Variants in FHIT observed in about 807,000 individuals in gnomAD.
The protein encoded by FHIT is bis(5'-adenosyl)-triphosphatase.
Under a neutral mutation model 17.9 loss-of-function variants are expected in FHIT, and 19 were observed. That is an observed-to-expected ratio of 1.06 (90% CI 0.74 to 1.56). The LOEUF is 1.56. Among genes scored for constraint, FHIT ranks in the 40% most tolerant of loss-of-function variants. FHIT has a pLI of 0.00. For missense variants in FHIT, 248 were observed against 189.2 expected (o/e 1.31, Z -1.82); for synonymous variants, 81 against 69.7 (o/e 1.16, Z -0.81).
At chr3:60,884,404 T>G (rs782263514) in intron 3 of FHIT, among the ~76,000 whole-genome samples, 1 of 152,224 alleles carries the variant, frequency 6.6e-6, no homozygotes, top group Admixed American at 6.5e-5. Flanking sequence ...TGAAGAGATA[T>G]CTGCATACCC....
intron 5 of FHIT, among the ~76,000 whole-genome samples, chr3:60,342,735 G>C (rs73104920): frequency 0.15 from 22,389 of 152,060 alleles, 1,707 homozygotes; most frequent in Non-Finnish European, 0.16. Context: ...TCAATGGAAG[G>C]AAAAATATTG....
At chr3:60,632,770 G>A (rs782476630) in intron 4 of FHIT, among the ~76,000 whole-genome samples, 10 of 151,984 alleles carry the variant, frequency 6.6e-5, no homozygotes, top group Non-Finnish European at 1.0e-4. Context: ...CATTGTCACC[G>A]AGGAAAGGGT....
At chr3:60,045,834 A>G (rs561766478) in intron 5 of FHIT, among the ~76,000 whole-genome samples, 28 of 152,300 alleles carry the variant, frequency 1.8e-4, no homozygotes, top group African/African-American at 6.7e-4. Flanking sequence ...GATAAGGAGG[A>G]ACACCTGGAG....
At chr3:60,491,523 G>A (rs1268156493) in intron 5 of FHIT, among the ~76,000 whole-genome samples, 1 of 152,002 alleles carries the variant, frequency 6.6e-6, no homozygotes, top group East Asian at 1.9e-4. Flanking sequence ...ATTATCTTCA[G>A]CCACAGCCAG....
chr3:59,901,372 G>C (rs1704322738), intron 8 of FHIT, among the ~76,000 whole-genome samples: 1 of 152,196 alleles, frequency 6.6e-6, no homozygotes, highest in Admixed American at 6.5e-5. Context: ...AATCTCGGGA[G>C]AGGTATCATG....
At chr3:60,747,126 C>CA (rs112642337) in intron 4 of FHIT, among the ~76,000 whole-genome samples, 2,820 of 110,828 alleles carry the variant, frequency 0.025, 54 homozygotes, top group African/African-American at 0.068. Flanking sequence ...TTGGAATTCA[C>CA]AAAAAAAAAA....
At chr3:60,500,772 A>T (rs966187456) in intron 5 of FHIT, among the ~76,000 whole-genome samples, 26 of 38,828 alleles carry the variant, frequency 6.7e-4, no homozygotes, top group African/African-American at 1.5e-3. Context: ...GCATCCATCT[A>T]AAAAAAAAAA....
At chr3:60,661,579 T>C (rs1278999596) in intron 4 of FHIT, among the ~76,000 whole-genome samples, 4 of 152,206 alleles carry the variant, frequency 2.6e-5, no homozygotes, top group African/African-American at 9.6e-5. Context: ...AATAGTGGGA[T>C]TGTTGGATCA....
At position 60,200,176 on chromosome 3, in the gene FHIT, C is replaced by A. The variant is rs577633224; in HGVS notation, c.104-186024G>T. 3.3e-5 allele frequency among the ~76,000 whole-genome samples: 5 copies of A among 152,168 alleles called. No homozygotes were observed. The South Asian group carries it at 1.0e-3, about 32-fold the overall frequency. The stretch of plus-strand genomic sequence containing the variant: ...CTCCATCCAGAGGACAGTACTGGGT[C>A]CAGGCTATAAAGGCAGAGACACTGG... On this transcript the variant is annotated intron_variant, in intron 5 of 9. Coordinates refer to ENST00000492590, the MANE Select transcript of FHIT (RefSeq NM_002012.4).
At chr3:59,830,631 A>G (rs994702993) in intron 8 of FHIT, among the ~76,000 whole-genome samples, 2 of 152,220 alleles carry the variant, frequency 1.3e-5, no homozygotes, top group Non-Finnish European at 2.9e-5. Context: ...CCATTCTTTC[A>G]TAGTCTAGTC....
At chr3:59,837,162 T>C (rs1045169314) in intron 8 of FHIT, among the ~76,000 whole-genome samples, 5 of 152,250 alleles carry the variant, frequency 3.3e-5, no homozygotes, top group Admixed American at 6.5e-5. Flanking sequence ...TGAGTAGTCC[T>C]GGAGTATAGA....
chr3:61,084,961 AG>A (rs1559969010), intron 2 of FHIT, among the ~76,000 whole-genome samples: 1 of 152,204 alleles, frequency 6.6e-6, no homozygotes, highest in Non-Finnish European at 1.5e-5. Flanking sequence ...AAGCATATCC[AG>A]GTTATTTCAG....
At chr3:60,722,017 T>C (rs2041819267) in intron 4 of FHIT, among the ~76,000 whole-genome samples, 1 of 152,108 alleles carries the variant, frequency 6.6e-6, no homozygotes, top group Non-Finnish European at 1.5e-5. Flanking sequence ...CTTCAAAAGA[T>C]ATTATGAAAA....
At chr3:60,120,180 T>C (rs1040091882) in intron 5 of FHIT, among the ~76,000 whole-genome samples, 2 of 152,208 alleles carry the variant, frequency 1.3e-5, no homozygotes, top group African/African-American at 2.4e-5. Flanking sequence ...ACAATGAGCA[T>C]GTAGTCTTGC....
intron 5 of FHIT, among the ~76,000 whole-genome samples, chr3:60,312,746 C>T (rs985261685): frequency 1.3e-5 from 2 of 152,212 alleles, no homozygotes; most frequent in South Asian, 2.1e-4. Flanking sequence ...AACAACGCCT[C>T]CCTGAAGTAG....
At chr3:60,644,340 G>A (rs2039800748) in intron 4 of FHIT, among the ~76,000 whole-genome samples, 1 of 152,130 alleles carries the variant, frequency 6.6e-6, no homozygotes, top group South Asian at 2.1e-4. Context: ...ATACAAGCAT[G>A]TTGAAAAACT....
At chr3:59,929,698 G>T (rs1203216397) in intron 7 of FHIT, among the ~76,000 whole-genome samples, 1 of 152,026 alleles carries the variant, frequency 6.6e-6, no homozygotes, top group East Asian at 1.9e-4. Context: ...GTAACAATAA[G>T]ATTGTTTCCA....
At chr3:61,072,826 C>A (rs541332874) in intron 2 of FHIT, among the ~76,000 whole-genome samples, 7 of 152,190 alleles carry the variant, frequency 4.6e-5, no homozygotes, top group South Asian at 2.1e-4. Flanking sequence ...AAAAAAAAGT[C>A]TTTTCTTTCT....
At chr3:60,265,833 C>A (rs1233712583) in intron 5 of FHIT, among the ~76,000 whole-genome samples, 3 of 151,784 alleles carry the variant, frequency 2.0e-5, no homozygotes, top group Non-Finnish European at 4.4e-5. Context: ...AGATACTCAG[C>A]ATTAAAAGCC....
Sources: gnomAD v4.1 joint callset for allele counts (sites outside exome capture counted in the v4.1 genomes callset) on GRCh38, gnomAD v4.1.1 for gene constraint, MANE v1.5 for transcripts, NCBI Gene and HGNC (gene_info 2026-07-23, HGNC 2026-07-21) for gene names.